VPS54: variants seen among roughly 807,000 people sequenced by gnomAD.
VPS54 encodes the protein VPS54 subunit of GARP complex.
In VPS54, 45 loss-of-function variants were observed where a neutral mutation model predicts 121.5. The ratio of observed to expected loss-of-function variants is 0.37; its 90% confidence interval spans 0.29 to 0.47. The LOEUF (loss-of-function observed/expected upper bound fraction) is 0.47, where lower values mean the gene tolerates loss of function less well. VPS54 is among the 20% of genes least tolerant of loss of function. The probability of loss-of-function intolerance (pLI) is 0.99; values close to 1 mark genes in which losing one functional copy is unlikely to be tolerated. For synonymous variants in VPS54, 371 were observed against 385.8 expected (o/e 0.96, Z 0.45); for missense variants, 1,090 against 1,131.4 (o/e 0.96, Z 0.52).
At chr2:63,997,631 GTTTT>G (rs2104663552) in intron 1 of VPS54, among the ~76,000 whole-genome samples, 1 of 149,986 alleles carries the variant, frequency 6.7e-6, no homozygotes, top group African/African-American at 2.5e-5. Flanking sequence ...GTTTTGTTTT[GTTTT>G]ATCTTTTCAA....
intron 7 of VPS54, among the ~76,000 whole-genome samples, chr2:63,956,391 C>T (rs1173224802): frequency 6.6e-6 from 1 of 151,608 alleles, no homozygotes; most frequent in African/African-American, 2.4e-5. Flanking sequence ...TCTTTCAAAA[C>T]AAAACAAAAA....
intron 3 of VPS54, among the ~76,000 whole-genome samples, chr2:63,972,613 C>T (rs1201402148): frequency 1.3e-5 from 2 of 152,052 alleles, no homozygotes; most frequent in Non-Finnish European, 1.5e-5. Context: ...AGGCCAGGTG[C>T]GGTAGCTCAC....
At chr2:63,907,181 T>G (rs539937317) in intron 20 of VPS54, among the ~76,000 whole-genome samples, 3 of 151,854 alleles carry the variant, frequency 2.0e-5, no homozygotes, top group Non-Finnish European at 4.4e-5. Context: ...AACAATAACA[T>G]TCTAGAAAAA....
intron 7 of VPS54, among the ~76,000 whole-genome samples, chr2:63,955,030 A>G (rs1399791199): frequency 1.3e-5 from 2 of 152,026 alleles, no homozygotes; most frequent in African/African-American, 4.8e-5. Flanking sequence ...GACTAGCTAT[A>G]TTTGAAAATA....
At chr2:63,968,791 AAAAG>A (rs1676131763) in intron 5 of VPS54, among the ~76,000 whole-genome samples, 162 bp downstream of exon 5, 1 of 151,988 alleles carries the variant, frequency 6.6e-6, no homozygotes, top group African/African-American at 2.4e-5. Flanking sequence ...AGGAAAGAAA[AAAAG>A]AAAAGTGAGA....
intron 1 of VPS54, among the ~76,000 whole-genome samples, chr2:64,000,669 T>C (rs936581507): frequency 5.3e-5 from 8 of 152,244 alleles, no homozygotes; most frequent in Non-Finnish European, 1.2e-4. Flanking sequence ...GAATAAAATC[T>C]GGAAGAATTC....
intron 1 of VPS54, among the ~76,000 whole-genome samples, chr2:63,996,626 C>A (rs1677607356): frequency 6.6e-6 from 1 of 152,188 alleles, no homozygotes; most frequent in Admixed American, 6.5e-5. Flanking sequence ...TTGCTGAGTT[C>A]TTTCCCCAGT....
At chr2:63,971,980 A>T (rs1014776875) in intron 4 of VPS54, among the ~76,000 whole-genome samples, 186 bp downstream of exon 4, 1 of 152,214 alleles carries the variant, frequency 6.6e-6, no homozygotes, top group Non-Finnish European at 1.5e-5. Flanking sequence ...GAACTAAAGG[A>T]TTATACTACT....
chr2:63,903,266 G>A (rs150259892), intron 20 of VPS54, among the ~76,000 whole-genome samples: 3 of 152,274 alleles, frequency 2.0e-5, no homozygotes, highest in East Asian at 3.9e-4. Context: ...AAAACTATGC[G>A]AGCCAGAAGA....
At chr2:63,899,448 G>C (rs1468175122) in intron 21 of VPS54, 26 bp downstream of exon 21, 1 of 1,592,538 alleles carries the variant, frequency 6.3e-7, no homozygotes, top group East Asian at 2.2e-5. Flanking sequence ...ATATATACAT[G>C]AATAGTTTTA....
At chr2:63,986,601 T>C (rs1193116020) in intron 1 of VPS54, among the ~76,000 whole-genome samples, 1 of 152,254 alleles carries the variant, frequency 6.6e-6, no homozygotes, top group African/African-American at 2.4e-5. Flanking sequence ...ATTTCATTTA[T>C]TGTATATTCT....
intron 14 of VPS54, 57 bp from the exon 15 acceptor site, chr2:63,920,052 T>C: frequency 6.9e-7 from 1 of 1,446,908 alleles, no homozygotes; most frequent in Non-Finnish European, 9.5e-7. Context: ...ACCATCTTCC[T>C]TGGTTTAAAA....
intron 3 of VPS54, among the ~76,000 whole-genome samples, chr2:63,979,241 GTTT>G (rs768489534): frequency 2.4e-5 from 3 of 123,622 alleles, no homozygotes; most frequent in Admixed American, 7.8e-5. Context: ...TTTTCTGTTT[GTTT>G]TTTTTTTTTT....
intron 11 of VPS54, among the ~76,000 whole-genome samples, chr2:63,936,952 A>C (rs1379418133): frequency 6.6e-6 from 1 of 152,178 alleles, no homozygotes; most frequent in Non-Finnish European, 1.5e-5. Flanking sequence ...CCACATGCTA[A>C]AGAATGAAAG....
intron 7 of VPS54, among the ~76,000 whole-genome samples, chr2:63,961,474 C>T (rs1675768449): frequency 6.6e-6 from 1 of 152,000 alleles, no homozygotes; most frequent in Admixed American, 6.6e-5. Context: ...ATACTGCAAG[C>T]CTGCTTAATG....
chr2:63,947,886 G>A (rs1023729701), intron 8 of VPS54, among the ~76,000 whole-genome samples: 1 of 152,046 alleles, frequency 6.6e-6, no homozygotes, highest in Non-Finnish European at 1.5e-5. Context: ...GCCAAGGCTG[G>A]AGTGTAGTGA....
At chr2:63,920,021 G>C (rs1410415582) in intron 14 of VPS54, 26 bp from the exon 15 acceptor site, 2 of 1,570,824 alleles carry the variant, frequency 1.3e-6, no homozygotes, top group African/African-American at 2.7e-5. Context: ...GAGAAAAGAA[G>C]GTAAACTTTA....
At chr2:63,898,631 T>G (rs1672543808) in intron 21 of VPS54, among the ~76,000 whole-genome samples, 1 of 151,968 alleles carries the variant, frequency 6.6e-6, no homozygotes. Flanking sequence ...CTCAACCAAG[T>G]AAGAGAGACA....
intron 16 of VPS54, among the ~76,000 whole-genome samples, chr2:63,915,728 A>T (rs1381445876): frequency 1.3e-5 from 2 of 152,224 alleles, no homozygotes; most frequent in African/African-American, 4.8e-5. Flanking sequence ...TACCAGAAAC[A>T]GGGAAGGACT....
Sources: gnomAD v4.1 joint callset for allele counts (sites outside exome capture counted in the v4.1 genomes callset) on GRCh38, gnomAD v4.1.1 for gene constraint, MANE v1.5 for transcripts, NCBI Gene and HGNC (gene_info 2026-07-23, HGNC 2026-07-21) for gene names.